Variants in SNX29 observed in about 807,000 individuals in gnomAD.
The protein encoded by SNX29 is sorting nexin-29.
SNX29 carries 78 observed loss-of-function variants against 102.1 expected under a neutral mutation model. The ratio of observed to expected loss-of-function variants is 0.76; its 90% CI spans 0.64 to 0.92. The LOEUF (loss-of-function observed/expected upper bound fraction) is 0.92, where lower values mean the gene tolerates loss of function less well. SNX29 is among the 40% of genes least tolerant of loss of function. The pLI, the probability that SNX29 is intolerant of heterozygous loss-of-function variation, is 0.00. For missense variants in SNX29, 1,280 were observed against 1,061.7 expected (o/e 1.21, Z -2.86); for synonymous variants, 580 against 414.5 (o/e 1.40, Z -4.85).
intron 16 of SNX29, among the ~76,000 whole-genome samples, chr16:12,370,335 G>A (rs370714115): frequency 2.7e-5 from 4 of 150,858 alleles, no homozygotes; most frequent in Non-Finnish European, 4.4e-5. Flanking sequence ...CAAGGCGAGC[G>A]GATCACCTGA....
intron 15 of SNX29, among the ~76,000 whole-genome samples, chr16:12,293,480 G>A (rs914218178): frequency 3.3e-5 from 5 of 152,186 alleles, no homozygotes; most frequent in Admixed American, 1.3e-4. Flanking sequence ...TAAGCTCATC[G>A]TTTCTGTTTC....
At chr16:12,091,105 C>T (rs1275202480) in intron 11 of SNX29, among the ~76,000 whole-genome samples, 1 of 151,138 alleles carries the variant, frequency 6.6e-6, no homozygotes, top group South Asian at 2.1e-4. Context: ...TTCATTTTAC[C>T]TACCATAAAC....
intron 14 of SNX29, among the ~76,000 whole-genome samples, chr16:12,273,349 T>G (rs1046538127): frequency 1.3e-4 from 20 of 152,086 alleles, no homozygotes; most frequent in East Asian, 1.2e-3. Flanking sequence ...TTTGTTTTTT[T>G]TTTTTTGTTG....
intron 15 of SNX29, among the ~76,000 whole-genome samples, chr16:12,280,792 G>A (rs1051243621): frequency 6.6e-6 from 1 of 152,188 alleles, no homozygotes; most frequent in African/African-American, 2.4e-5. Context: ...TTAATGGGTT[G>A]ATTTTTACCA....
intron 19 of SNX29, among the ~76,000 whole-genome samples, chr16:12,504,461 T>C (rs1454305541): frequency 1.3e-5 from 2 of 152,170 alleles, no homozygotes; most frequent in African/African-American, 4.8e-5. Flanking sequence ...TCTGTAGGAT[T>C]GCTTGTTCTG....
intron 4 of SNX29, among the ~76,000 whole-genome samples, chr16:12,035,070 A>G (rs2057437514): frequency 1.3e-5 from 2 of 151,976 alleles, no homozygotes; most frequent in African/African-American, 4.8e-5. Context: ...TTTAGATCAC[A>G]GTTATCCAGC....
chr16:12,052,257 C>G (rs1382901567), intron 8 of SNX29, 35 bp downstream of exon 8: 1 of 1,611,192 alleles, frequency 6.2e-7, no homozygotes, highest in Non-Finnish European at 8.5e-7. Context: ...CTCACCGTCC[C>G]CCAGGCTGGA....
intron 11 of SNX29, among the ~76,000 whole-genome samples, chr16:12,102,183 T>C (rs2053051936): frequency 6.6e-6 from 1 of 152,224 alleles, no homozygotes; most frequent in Non-Finnish European, 1.5e-5. Context: ...GCATTTGGGT[T>C]GGTTCTAAGT....
chr16:12,007,920 T>C (rs573667683), intron 3 of SNX29, among the ~76,000 whole-genome samples: 175 of 152,310 alleles, frequency 1.1e-3, no homozygotes, highest in African/African-American at 4.0e-3. Context: ...CTTTTTCTCC[T>C]TTTGTTTTTA....
intron 20 of SNX29, among the ~76,000 whole-genome samples, chr16:12,544,631 G>A (rs1023820865): frequency 2.6e-5 from 4 of 152,170 alleles, no homozygotes; most frequent in East Asian, 1.9e-4. Flanking sequence ...CCTTGGGATC[G>A]GCAGGTTCAT....
At chr16:12,077,941 A>G (rs2051662886) in intron 10 of SNX29, among the ~76,000 whole-genome samples, 1 of 152,110 alleles carries the variant, frequency 6.6e-6, no homozygotes, top group Non-Finnish European at 1.5e-5. Context: ...ATTTTTATCA[A>G]CTGATCAACA....
chr16:12,437,318 T>C (rs2085581302), intron 18 of SNX29, among the ~76,000 whole-genome samples: 2 of 150,750 alleles, frequency 1.3e-5, no homozygotes. Flanking sequence ...TGTCACACAC[T>C]GTGCTCTCAG....
rs921300335 is a variant in SNX29, at chr16:12,568,708, C to G, written c.*79C>G. On this transcript the variant is annotated 3_prime_UTR_variant, in exon 21 of 21. Coordinates refer to ENST00000566228, the MANE Select transcript of SNX29 (RefSeq NM_032167.5). Reference sequence around the variant, plus strand: ...CCAGCCACTGCCGCTGGCCCCTCACCTCAGCGTGACAACCACGTCCACCTG... The same window carrying G: ...CCAGCCACTGCCGCTGGCCCCTCACGTCAGCGTGACAACCACGTCCACCTG... The G allele has an allele frequency of 9.7e-6, 15 of 1,549,198 alleles. No homozygotes were observed. Among genetic ancestry groups the G allele is most frequent in the African/African-American group, 1.4e-5 (1 of 73,246 alleles).
chr16:12,571,411 C>G lies in SNX29; in HGVS notation c.*2782C>G. On this transcript the variant is annotated 3_prime_UTR_variant, in exon 21 of 21. Coordinates refer to ENST00000566228, the MANE Select transcript of SNX29 (RefSeq NM_032167.5). ...GGAAAGGATTGCTTGCACCTCACATCTGTCTTCTTCTAAGATTACTCGGAG... is the reference window on the plus strand; with the variant it reads ...GGAAAGGATTGCTTGCACCTCACATGTGTCTTCTTCTAAGATTACTCGGAG... 1 of 232,704 alleles carries G rather than the reference C, an allele frequency of 4.3e-6. No homozygotes were observed. Among genetic ancestry groups the G allele is most frequent in the Non-Finnish European group, 8.5e-6 (1 of 118,178 alleles). 14.4% of individuals were successfully genotyped at this position (232,704 alleles called of 1,614,324 possible).
intron 10 of SNX29, among the ~76,000 whole-genome samples, chr16:12,077,466 CAA>C (rs2051636247): frequency 6.7e-6 from 1 of 149,536 alleles, no homozygotes; most frequent in Non-Finnish European, 1.5e-5. Flanking sequence ...CTGTTCTCAC[CAA>C]AGACACTAAA....
chr16:12,062,334 G>A lies in SNX29; in HGVS notation c.1243+688G>A, dbSNP rs574013199. ...GTGGAGGTTGCAGTGAGCCGATATC[G>A]TGGCACTGTACACCACCCTGTGTGA... On this transcript the variant is annotated intron_variant, in intron 9 of 20. Transcript: ENST00000566228. Among the ~76,000 whole-genome samples the A allele has an allele frequency of 2.0e-5, 3 of 151,710 alleles. No individual in the cohort carries two copies. In the South Asian group the frequency reaches 6.2e-4, roughly 32 times the overall value.
Position 12,542,088 on chromosome 16 carries a change from T to C in SNX29, c.2318+17247T>C, listed in dbSNP as rs74834011. Among the ~76,000 whole-genome samples the C allele has an allele frequency of 1.1e-4, 17 of 152,230 alleles. No individual in the cohort carries two copies. In the East Asian group the frequency reaches 1.4e-3, roughly 12 times the overall value. The stretch of plus-strand genomic sequence containing the variant: ...TCACCAGTTAGTCCAAATCCTGCAA[T>C]ATTGTCTCTTCCCAACGGATCCCTA... On this transcript the variant is annotated intron_variant, in intron 20 of 20. Coordinates refer to ENST00000566228, the MANE Select transcript of SNX29 (RefSeq NM_032167.5).
At chr16:12,380,017 G>A (rs1458325712) in intron 16 of SNX29, among the ~76,000 whole-genome samples, 2 of 152,062 alleles carry the variant, frequency 1.3e-5, no homozygotes, top group Admixed American at 6.5e-5. Context: ...TCTGGTATAT[G>A]ACCTCTTGGT....
intron 18 of SNX29, among the ~76,000 whole-genome samples, chr16:12,413,656 G>A (rs919895806): frequency 6.6e-6 from 1 of 152,198 alleles, no homozygotes. Flanking sequence ...AGGGGAGACA[G>A]CTTGTTCATC....
Sources: gnomAD v4.1 joint callset for allele counts (sites outside exome capture counted in the v4.1 genomes callset) on GRCh38, gnomAD v4.1.1 for gene constraint, MANE v1.5 for transcripts, NCBI Gene and HGNC (gene_info 2026-07-23, HGNC 2026-07-21) for gene names.